Variants in DTD1 observed in about 807,000 individuals in gnomAD.
DTD1 encodes the protein D-aminoacyl-tRNA deacylase 1.
Under a neutral mutation model 25.6 loss-of-function variants are expected in DTD1, and 13 were observed. The ratio of observed to expected loss-of-function variants is 0.51; its 90% confidence interval spans 0.33 to 0.81. The LOEUF (loss-of-function observed/expected upper bound fraction) is 0.81. Among genes scored for constraint, DTD1 ranks in the 30% least tolerant of loss-of-function variants. DTD1 has a pLI of 0.02. For synonymous variants in DTD1, 110 were observed against 103.6 expected, an observed-to-expected ratio of 1.06 and a Z score of -0.37; for missense variants, 193 against 266.4, an observed-to-expected ratio of 0.72 and a Z score of 1.92.
intron 4 of DTD1, among the ~76,000 whole-genome samples, chr20:18,733,301 C>T (rs893329836): frequency 3.9e-5 from 6 of 152,160 alleles, no homozygotes; most frequent in African/African-American, 2.4e-5. Flanking sequence ...GGCCTTGTGC[C>T]CGCCTGTGGC....
At chr20:18,716,527 A>G (rs376606418) in intron 4 of DTD1, among the ~76,000 whole-genome samples, 21 of 152,226 alleles carry the variant, frequency 1.4e-4, no homozygotes, top group African/African-American at 5.1e-4. Flanking sequence ...GTAAATCTAA[A>G]CTGACGGAGG....
intron 3 of DTD1, among the ~76,000 whole-genome samples, chr20:18,621,644 A>G (rs907096810): frequency 6.6e-6 from 1 of 152,168 alleles, no homozygotes; most frequent in Non-Finnish European, 1.5e-5. Context: ...AATCTTATGT[A>G]TTTTTAAGAA....
At chr20:18,701,233 A>G (rs2061103308) in intron 4 of DTD1, among the ~76,000 whole-genome samples, 1 of 152,178 alleles carries the variant, frequency 6.6e-6, no homozygotes, top group Non-Finnish European at 1.5e-5. Flanking sequence ...ACAGAGACAC[A>G]GGTAGCTGGA....
At chr20:18,703,140 A>G (rs999418318) in intron 4 of DTD1, among the ~76,000 whole-genome samples, 2 of 152,196 alleles carry the variant, frequency 1.3e-5, no homozygotes, top group African/African-American at 4.8e-5. Context: ...AAATGTCCCT[A>G]TAGTCCTTAC....
intron 3 of DTD1, among the ~76,000 whole-genome samples, chr20:18,622,213 C>T (rs556304121): frequency 6.6e-6 from 1 of 152,232 alleles, no homozygotes; most frequent in East Asian, 1.9e-4. Flanking sequence ...AGGTATTTGC[C>T]CTAATGATCT....
At chr20:18,677,104 A>G (rs2060979238) in intron 4 of DTD1, among the ~76,000 whole-genome samples, 2 of 152,228 alleles carry the variant, frequency 1.3e-5, no homozygotes, top group Non-Finnish European at 2.9e-5. Flanking sequence ...GAACTTTATG[A>G]GCAAGTAAAT....
intron 4 of DTD1, among the ~76,000 whole-genome samples, chr20:18,634,258 G>A (rs2060799225): frequency 6.6e-6 from 1 of 152,208 alleles, no homozygotes; most frequent in African/African-American, 2.4e-5. Context: ...TCTCTGCGTA[G>A]GGCTTGTTTT....
intron 3 of DTD1, among the ~76,000 whole-genome samples, chr20:18,612,978 T>TCC (rs1396027432): frequency 3.3e-5 from 5 of 152,146 alleles, no homozygotes; most frequent in African/African-American, 1.2e-4. Context: ...TATTTTTCTG[T>TCC]ATTTATTGAG....
intron 4 of DTD1, among the ~76,000 whole-genome samples, chr20:18,656,690 C>T (rs2060892877): frequency 6.6e-6 from 1 of 152,176 alleles, no homozygotes; most frequent in South Asian, 2.1e-4. Context: ...TAACACCACA[C>T]CCCATTCACT....
chr20:18,755,890 G>A (rs976728224), intron 5 of DTD1, among the ~76,000 whole-genome samples: 5 of 152,172 alleles, frequency 3.3e-5, no homozygotes, highest in Admixed American at 3.3e-4. Context: ...CCCACCAACA[G>A]TGTAAAAGTG....
intron 4 of DTD1, among the ~76,000 whole-genome samples, chr20:18,704,246 C>T (rs1364742511): frequency 3.3e-5 from 5 of 152,122 alleles, no homozygotes; most frequent in African/African-American, 1.2e-4. Context: ...GTGATCCTCC[C>T]ACCTCGGCCT....
chr20:18,757,730 C>T (rs1327556745), intron 5 of DTD1, among the ~76,000 whole-genome samples: 2 of 152,104 alleles, frequency 1.3e-5, no homozygotes, highest in African/African-American at 2.4e-5. Flanking sequence ...GTCTAAAATT[C>T]TCTTTTTTGG....
chr20:18,736,629 A>G (rs1234042681), intron 4 of DTD1, among the ~76,000 whole-genome samples: 2 of 152,304 alleles, frequency 1.3e-5, no homozygotes, highest in African/African-American at 4.8e-5. Flanking sequence ...TGGGCATATC[A>G]TGTACAGAAA....
At chr20:18,657,151 G>A (rs1235193400) in intron 4 of DTD1, among the ~76,000 whole-genome samples, 1 of 152,300 alleles carries the variant, frequency 6.6e-6, no homozygotes, top group African/African-American at 2.4e-5. Context: ...TCAGGTTCCA[G>A]TTTGCACATC....
intron 4 of DTD1, among the ~76,000 whole-genome samples, chr20:18,743,443 C>T (rs2061286010): frequency 6.6e-6 from 1 of 152,074 alleles, no homozygotes; most frequent in African/African-American, 2.4e-5. Flanking sequence ...CCTGTAATCA[C>T]AACACTTTGG....
At position 18,596,107 on chromosome 20, in the gene DTD1, A is replaced by G. The variant is rs1292622390; in HGVS notation, c.236A>G (p.Gln79Arg). 3 of 1,614,224 alleles carry G rather than the reference A, an allele frequency of 1.9e-6. No individual in the cohort carries two copies. Residue 79 changes from glutamine to arginine, a missense_variant, in exon 3 of 6, where the codon CAG becomes CGG. Transcript: ENST00000377452. ...CAGTACGAGATTCTGTGTGTCAGCC[A>G]GTTTACCCTCCAGTGTGTCCTGAAG... ...DKQYEILCVS[Q>R]FTLQCVLKGN...
intron 4 of DTD1, among the ~76,000 whole-genome samples, chr20:18,638,081 C>A (rs2060814177): frequency 6.6e-6 from 1 of 152,142 alleles, no homozygotes; most frequent in African/African-American, 2.4e-5. Flanking sequence ...AGTGGTAATG[C>A]CCTTGAATAA....
At chr20:18,705,697 G>T (rs900388325) in intron 4 of DTD1, among the ~76,000 whole-genome samples, 2 of 152,150 alleles carry the variant, frequency 1.3e-5, no homozygotes, top group Admixed American at 1.3e-4. Flanking sequence ...TGGTGGTCAG[G>T]CTGCATTAGG....
chr20:18,669,599 G>A (rs995111389), intron 4 of DTD1, among the ~76,000 whole-genome samples: 5 of 152,082 alleles, frequency 3.3e-5, no homozygotes, highest in South Asian at 2.1e-4. Context: ...GACCACTGTC[G>A]ACTGAGCGCT....
Sources: gnomAD v4.1 joint callset for allele counts (sites outside exome capture counted in the v4.1 genomes callset) on GRCh38, gnomAD v4.1.1 for gene constraint, MANE v1.5 for transcripts, NCBI Gene and HGNC (gene_info 2026-07-23, HGNC 2026-07-21) for gene names.